The following ZSCAN18 variants were observed in gnomAD, a reference collection of about 807,000 sequenced individuals.
ZSCAN18 encodes the protein zinc finger and SCAN domain-containing protein 18.
In ZSCAN18, 16 loss-of-function variants were observed where a neutral mutation model predicts 31.1. The ratio of observed to expected loss-of-function variants is 0.51; its 90% confidence interval spans 0.35 to 0.78. The LOEUF is 0.78. Among genes scored for constraint, ZSCAN18 ranks in the 30% least tolerant of loss-of-function variants. ZSCAN18 has a pLI of 0.01. For missense variants in ZSCAN18, 731 were observed against 697.4 expected (o/e 1.05, Z -0.54); for synonymous variants, 375 against 320.7 (o/e 1.17, Z -1.81).
intron 1 of ZSCAN18, among the ~76,000 whole-genome samples, chr19:58,106,626 C>A (rs2074635782): frequency 6.0e-5 from 2 of 33,546 alleles, no homozygotes; most frequent in African/African-American, 1.5e-4. Flanking sequence ...ATGGCGTGAA[C>A]CCGGGAGGCG....
chr19:58,111,808 C>T (rs570564384), intron 1 of ZSCAN18, among the ~76,000 whole-genome samples: 7 of 152,290 alleles, frequency 4.6e-5, no homozygotes, highest in Non-Finnish European at 7.4e-5. Context: ...AACCTAGAAA[C>T]CATATCCCTT....
chr19:58,084,524 C>T lies in ZSCAN18; in HGVS notation c.*161G>A, dbSNP rs1449786371. 4 of 685,650 alleles carry T rather than the reference C, an allele frequency of 5.8e-6. No individual in the cohort carries two copies. Among genetic ancestry groups the T allele is most frequent in the Non-Finnish European group, 4.5e-6 (2 of 448,764 alleles). 42.5% of individuals were successfully genotyped at this position (685,650 alleles called of 1,614,324 possible). A position where few individuals can be genotyped will look rare whatever the true frequency, so the allele number is the denominator to read the frequency against. On this transcript the variant is annotated 3_prime_UTR_variant, in exon 7 of 7. Coordinates refer to ENST00000601144, the MANE Select transcript of ZSCAN18 (RefSeq NM_001145543.2). The surrounding 1 kb of genome is among the most constrained non-coding windows in gnomAD (Gnocchi z 4.5). ...GTGAGGGCTTCCCGTGGACCCTTCT[C>T]GTTGGGAGCGCTTAGCCTCAGGAGC...
intron 1 of ZSCAN18, among the ~76,000 whole-genome samples, chr19:58,107,152 G>A (rs1049374457): frequency 1.3e-5 from 2 of 152,172 alleles, no homozygotes; most frequent in African/African-American, 4.8e-5. Flanking sequence ...GTTAGCAGGT[G>A]TGAGAACAAC....
chr19:58,108,521 C>T (rs2074653829), intron 1 of ZSCAN18: 3 of 985,926 alleles, frequency 3.0e-6, no homozygotes, highest in Non-Finnish European at 3.6e-6. Context: ...GATTTCTCTC[C>T]TGTGTGGATT....
chr19:58,087,569 G>A, intron 3 of ZSCAN18, 165 bp from the exon 4 acceptor site: 1 of 626,916 alleles, frequency 1.6e-6, no homozygotes, highest in Non-Finnish European at 2.8e-6. Context: ...TTACAAAGCA[G>A]CGCGGTGGCC....
intron 6 of ZSCAN18, chr19:58,085,742 G>C (rs904663552): frequency 8.7e-6 from 3 of 345,830 alleles, no homozygotes; most frequent in Non-Finnish European, 1.6e-5. Flanking sequence ...CACCCTCCTG[G>C]AGGGAGGGGC....
intron 1 of ZSCAN18, among the ~76,000 whole-genome samples, chr19:58,097,517 G>A (rs1157950898): frequency 6.6e-6 from 1 of 151,806 alleles, no homozygotes; most frequent in African/African-American, 2.4e-5. Context: ...ACTGGGGAGA[G>A]GCGAGATATT....
intron 1 of ZSCAN18, among the ~76,000 whole-genome samples, chr19:58,094,875 CGCAA>C (rs1441044289): frequency 9.3e-5 from 6 of 64,330 alleles, no homozygotes; most frequent in African/African-American, 3.9e-4. Context: ...GAGACCCTGT[CGCAA>C]AAAAAAAAAA....
upstream of ZSCAN18, among the ~76,000 whole-genome samples, chr19:58,100,330 G>A (rs1186858008): frequency 6.6e-6 from 1 of 152,076 alleles, no homozygotes; most frequent in Non-Finnish European, 1.5e-5. Context: ...CTGGTCAGGG[G>A]CACTGAAGGT....
intron 1 of ZSCAN18, among the ~76,000 whole-genome samples, chr19:58,115,446 A>C (rs923551647): frequency 1.3e-5 from 2 of 152,226 alleles, no homozygotes; most frequent in Admixed American, 6.5e-5. Context: ...AATAATCTAT[A>C]ATCTCACTGT....
rs1410341066 is a variant in ZSCAN18 at position 58,087,332 on chromosome 19, G to A, written c.626C>T (p.Pro209Leu). ...CCCACCCACCTGCTCGGTGTTGGCAGGGCCGTCCTCTTCGGTCTTTGCTTC... is the reference window on the plus strand; with the variant it reads ...CCCACCCACCTGCTCGGTGTTGGCAAGGCCGTCCTCTTCGGTCTTTGCTTC... ...VREAKTEEDG[P>L]ANTEQKLKSF... Residue 209 changes from proline to leucine, a missense_variant, in exon 4 of 7, where the codon CCT becomes CTT. By Grantham distance (98) the Pro-to-Leu change is moderately conservative (BLOSUM62 -3). Around this residue, in one of 4 missense-constraint regions of ZSCAN18, gnomAD observed 597 missense variants for 499.5 expected, o/e 1.20. Coordinates refer to ENST00000601144, the MANE Select transcript of ZSCAN18 (RefSeq NM_001145543.2). 5 of 1,606,570 alleles carry A rather than the reference G, an allele frequency of 3.1e-6. No individual in the cohort carries two copies. The highest frequency in any genetic ancestry group is 3.4e-6 in the Non-Finnish European group (4 of 1,176,616).
chr19:58,117,273 T>C (rs1055490916), intron 1 of ZSCAN18, among the ~76,000 whole-genome samples: 3 of 152,008 alleles, frequency 2.0e-5, no homozygotes, highest in African/African-American at 7.3e-5. Context: ...GGAGAGTAGA[T>C]GCTCAGCTGA....
chr19:58,090,124 G>A lies in ZSCAN18; in HGVS notation c.144C>T (p.Ser48=), dbSNP rs868515616. ...PERTPADLEF[S]RLRFREFVYQ... ...AGACAAATTCCCGGAAACGCAGGCG[G>A]GAGAACTCCAGGTCAGCAGGGGTCC... Residue 48 remains serine, a synonymous_variant, in exon 2 of 7, where the codon TCC becomes TCT. Coordinates refer to ENST00000601144, the MANE Select transcript of ZSCAN18 (RefSeq NM_001145543.2). This position sits in a 1 kb window ranked among gnomAD's most constrained non-coding sequence, Gnocchi z 4.7. The A allele has an allele frequency of 6.2e-7, 1 of 1,613,724 alleles. No homozygotes were observed. Among genetic ancestry groups the A allele is most frequent in the African/African-American group, 1.3e-5 (1 of 74,924 alleles).
intron 1 of ZSCAN18, among the ~76,000 whole-genome samples, chr19:58,091,614 A>G (rs2074412312): frequency 6.6e-6 from 1 of 152,136 alleles, no homozygotes; most frequent in South Asian, 2.1e-4. Context: ...CCCTCAGCTG[A>G]ATCCCCACAT....
Position 58,084,227 on chromosome 19 carries a change from G to A in ZSCAN18, c.*458C>T, listed in dbSNP as rs554275084. 1 of 155,708 alleles carries A rather than the reference G, an allele frequency of 6.4e-6. No homozygotes were observed. Among genetic ancestry groups the A allele is most frequent in the African/African-American group, 2.4e-5 (1 of 41,726 alleles). The allele number at this position is 155,708 out of a possible 1,614,324, so 9.6% of individuals were successfully genotyped here. On this transcript the variant is annotated 3_prime_UTR_variant, in exon 7 of 7. Coordinates refer to ENST00000601144, the MANE Select transcript of ZSCAN18 (RefSeq NM_001145543.2). This position sits in a 1 kb window ranked among gnomAD's most constrained non-coding sequence, Gnocchi z 4.5. ...CAGCTTCTGCTTTTGCAGATTAGAA[G>A]TGAAGTTGACATCACGCCAAGTACG... is the stretch of plus-strand genomic sequence containing the variant.
upstream of ZSCAN18, among the ~76,000 whole-genome samples, chr19:58,098,906 T>C (rs977270995): frequency 2.0e-5 from 3 of 152,076 alleles, no homozygotes; most frequent in African/African-American, 7.2e-5. Context: ...ACTCAAAGAT[T>C]ACCCACCCCA....
intron 1 of ZSCAN18, among the ~76,000 whole-genome samples, chr19:58,109,455 G>A (rs1040838456): frequency 6.6e-6 from 1 of 152,100 alleles, no homozygotes; most frequent in Non-Finnish European, 1.5e-5. Context: ...ACTTGCAAGG[G>A]TACAATCAAA....
chr19:58,084,977 G>A lies in ZSCAN18; in HGVS notation c.1241C>T (p.Ala414Val), dbSNP rs1476960471. The change falls in exon 7 of 7, where the codon GCC becomes GTC. Residue 414 changes from alanine (A) to valine (V), a missense_variant. By Grantham distance (64) the Ala-to-Val change is moderately conservative (BLOSUM62 0). This residue lies in a region of ZSCAN18 where 597 missense variants were observed against 499.5 expected (regional missense o/e 1.20). Coordinates refer to ENST00000601144, the MANE Select transcript of ZSCAN18 (RefSeq NM_001145543.2). The surrounding 1 kb of genome is among the most constrained non-coding windows in gnomAD (Gnocchi z 4.5). ...EPGLSRGKPY[A>V]CGECGEAFAW... ...GAAGGCCTCCCCGCACTCGCCGCAG[G>A]CATAGGGCTTCCCGCGGGACAAGCC... 3 of 1,599,436 alleles carry A rather than the reference G, an allele frequency of 1.9e-6. No individual in the cohort carries two copies. Among genetic ancestry groups the A allele is most frequent in the Admixed American group, 1.7e-5 (1 of 58,038 alleles).
chr19:58,085,271 T>G lies in ZSCAN18; in HGVS notation c.947A>C (p.Asp316Ala). ...TEAPPGDALA[D>A]PPSGTTEEEE... ...CTCCTCAGTGGTGCCCGACGGGGGA[T>G]CGGCAAGGGCGTCCCCAGGGGGCGC... The change falls in exon 7 of 7, where the codon GAT becomes GCT. Residue 316 changes from aspartate (D) to alanine (A), a missense_variant. By Grantham distance (126) the Asp-to-Ala change is moderately radical. Transcript: ENST00000601144. 1 of 1,602,536 alleles carries G rather than the reference T, an allele frequency of 6.2e-7. No homozygotes were observed. Among genetic ancestry groups the G allele is most frequent in the South Asian group, 1.1e-5 (1 of 90,792 alleles).
Sources: allele counts gnomAD v4.1 joint callset (sites outside exome capture counted in the v4.1 genomes callset), GRCh38; gene constraint gnomAD v4.1.1; regional missense constraint gnomAD v4.1.1; non-coding constraint Gnocchi (gnomAD v3.1); transcripts MANE v1.5; gene names NCBI Gene and HGNC (gene_info 2026-07-23, HGNC 2026-07-21).